Variants in RPL4 observed in about 807,000 individuals in gnomAD.
The protein encoded by RPL4 is large ribosomal subunit protein uL4.
In RPL4, 3 loss-of-function variants were observed where a neutral mutation model predicts 47.7. The ratio of observed to expected loss-of-function variants is 0.06; its 90% CI spans 0.03 to 0.16. The LOEUF is 0.16. Ranked by LOEUF, RPL4 falls within the 10% of genes least tolerant of loss-of-function variation. The pLI is 1.00. For missense variants in RPL4, 413 were observed against 551.3 expected, an observed-to-expected ratio of 0.75 and a Z score of 2.51; for synonymous variants, 208 against 182.1, an observed-to-expected ratio of 1.14 and a Z score of -1.15.
chr15:66,500,262 G>A, intron 8 of RPL4, 31 bp downstream of exon 8: 1 of 1,613,782 alleles, frequency 6.2e-7, no homozygotes, highest in Non-Finnish European at 8.5e-7. Flanking sequence ...ATAGGGTTGG[G>A]GCGAGAATTA....
chr15:66,503,004 G>C (rs1228753104), intron 3 of RPL4, 54 bp downstream of exon 3: 2 of 1,523,348 alleles, frequency 1.3e-6, no homozygotes, highest in Non-Finnish European at 1.8e-6. Context: ...ACCAGACCCA[G>C]GCCGCTAAAT....
Sources: gnomAD v4.1 joint callset for allele counts on GRCh38, gnomAD v4.1.1 for gene constraint, MANE v1.5 for transcripts, NCBI Gene and HGNC (gene_info 2026-07-23, HGNC 2026-07-21) for gene names.